The following LZTR1 variants were observed in gnomAD, a reference collection of about 807,000 sequenced individuals.
LZTR1 encodes the protein leucine zipper like post translational regulator 1, also known as leucine-zipper-like transcriptional regulator 1.
Under a neutral mutation model 105.7 loss-of-function variants are expected in LZTR1, and 260 were observed. The ratio of observed to expected loss-of-function variants is 2.46; its 90% CI spans 2.22 to 2.72. The LOEUF (loss-of-function observed/expected upper bound fraction) is 2.72. Among genes scored for constraint, LZTR1 ranks in the 30% most tolerant of loss-of-function variants. The probability of loss-of-function intolerance (pLI) is 0.00; values close to 1 mark genes in which losing one functional copy is unlikely to be tolerated. For missense variants in LZTR1, 1,214 were observed against 1,166.9 expected (o/e 1.04, Z -0.59); for synonymous variants, 490 against 476.4 (o/e 1.03, Z -0.37).
chr22:20,994,324 G>C (rs1924731449), intron 14 of LZTR1, 55 bp downstream of exon 14: 1 of 1,559,094 alleles, frequency 6.4e-7, no homozygotes, highest in African/African-American at 1.4e-5. Flanking sequence ...GCGGGCAGCA[G>C]AGCCAAAAGG....
intron 8 of LZTR1, chr22:20,990,751 A>C (rs1012774619): frequency 1.9e-6 from 1 of 524,668 alleles, no homozygotes; most frequent in Admixed American, 3.6e-5. Flanking sequence ...GCCCCTGGCT[A>C]GGCCTCCCTC....
Position 20,996,967 on chromosome 22 carries a change from G to T in LZTR1, c.2406+1G>T, listed in dbSNP as rs770322736. 1.9e-6 allele frequency: 3 copies of T among 1,613,650 alleles called. No homozygotes were observed. Among genetic ancestry groups the T allele is most frequent in the Non-Finnish European group, 2.5e-6 (3 of 1,179,972 alleles). On this transcript the variant is annotated splice_donor_variant, in intron 20 of 20. Transcript: ENST00000646124. LOFTEE classifies it high-confidence loss of function. ...CATCATTGTGCACCAGTTCACCAAG[G>T]TCAGGGCTCTGGCCTCCCCTTCAGG... is the stretch of plus-strand genomic sequence containing the variant.
Position 20,988,221 on chromosome 22 carries a change from G to C in LZTR1, c.509+103G>C, listed in dbSNP as rs991410471. 8.5e-6 allele frequency: 6 copies of C among 702,988 alleles called. No individual in the cohort carries two copies. In the African/African-American group the frequency reaches 9.0e-5, roughly 11 times the overall value. 43.5% of individuals were successfully genotyped at this position (702,988 alleles called of 1,614,324 possible). ...TCCCAGATGAGGACCCTGAGGGCACGCAATAGCAGGGAGCTTGGGATTGGT... is the reference window on the plus strand; with the variant it reads ...TCCCAGATGAGGACCCTGAGGGCACCCAATAGCAGGGAGCTTGGGATTGGT... On this transcript the variant is annotated intron_variant, in intron 5 of 20. Transcript: ENST00000646124.
At chr22:20,988,334 G>A (rs2147962272) in intron 5 of LZTR1, among the ~76,000 whole-genome samples, 1 of 152,320 alleles carries the variant, frequency 6.6e-6, no homozygotes, top group East Asian at 1.9e-4. Flanking sequence ...ACCAGGCGTG[G>A]TGGCGCATGC....
intron 10 of LZTR1, 35 bp from the exon 11 acceptor site, chr22:20,992,759 C>A (rs73879466): frequency 2.2e-6 from 3 of 1,348,044 alleles, no homozygotes; most frequent in East Asian, 2.5e-5. Context: ...AGGCTCTGCT[C>A]CCCCACCATT....
intron 1 of LZTR1, 72 bp downstream of exon 1, chr22:20,982,643 C>A (rs982663078): frequency 1.4e-6 from 2 of 1,468,570 alleles, no homozygotes; most frequent in Non-Finnish European, 1.9e-6. Context: ...GGTCCAGGGG[C>A]GAAGCCGGGG....
At position 20,992,215 on chromosome 22, in the gene LZTR1, T is replaced by C. The variant is rs1201984751; in HGVS notation, c.995T>C (p.Val332Ala). ...EVVQPSSDSE[V>A]GGAEVPERAC... ...TGCCCATGTGTCTCCCCTCTTCAGG[T>C]TGGTGGGGCTGAAGTGCCCGAGCGA... Residue 332 changes from valine to alanine, a missense_variant and splice_region_variant, in exon 10 of 21, where the codon GTT becomes GCT. Physicochemically the swap from Val to Ala is moderately conservative, Grantham distance 64. Coordinates refer to ENST00000646124, the MANE Select transcript of LZTR1 (RefSeq NM_006767.4). 4 of 1,612,930 alleles carry C rather than the reference T, an allele frequency of 2.5e-6. No individual in the cohort carries two copies. In the East Asian group the frequency reaches 6.7e-5, roughly 27 times the overall value.
intron 4 of LZTR1, 41 bp from the exon 5 acceptor site, chr22:20,987,969 C>A: frequency 8.3e-7 from 1 of 1,211,234 alleles, no homozygotes; most frequent in Non-Finnish European, 1.2e-6. Context: ...ATCTCCAAGA[C>A]TGCCCTTTGG....
rs1387587717 is a variant in LZTR1, at chr22:20,982,535, G to A, written c.164G>A (p.Arg55Gln). 6.2e-7 allele frequency: 1 copy of A among 1,612,888 alleles called. No homozygotes were observed. Among genetic ancestry groups the A allele is most frequent in the Non-Finnish European group, 8.5e-7 (1 of 1,179,740 alleles). Residue 55 changes from arginine (R) to glutamine (Q), a missense_variant, in exon 1 of 21, where the codon CGG becomes CAG. Arg to Gln is a conservative substitution (Grantham distance 43, BLOSUM62 1). Transcript: ENST00000646124. ...FGPFETVHRW[R>Q]RLPPCDEFVG... is the part of the protein sequence containing the mutation. ...CCCTTCGAAACAGTGCATCGCTGGC[G>A]GCGCCTCCCGCCCTGCGACGAGTTC...
rs1358738000 is a variant in LZTR1, at chr22:20,990,507, T to C, written c.773T>C (p.Phe258Ser). 3 of 1,612,834 alleles carry C rather than the reference T, an allele frequency of 1.9e-6. No homozygotes were observed. The highest frequency in any genetic ancestry group is 2.2e-5 in the East Asian group (1 of 44,876). The change falls in exon 8 of 21, where the codon TTT becomes TCT. Residue 258 changes from phenylalanine to serine, a missense_variant. Transcript: ENST00000646124. ...AAAATAACCAACAACCTCTTCCAGT[T>C]TGAATTCAAGGACAAGACGTGAGTA... Reference protein sequence around the residue: ...GAKITNNLFQFEFKDKTWTRI... With the variant: ...GAKITNNLFQSEFKDKTWTRI...
chr22:20,995,978 G>A lies in LZTR1; in HGVS notation c.2085G>A (p.Met695Ile). ...LAARSSYFEAMFRSFMPEDGQ... is the reference protein window; with the variant it reads ...LAARSSYFEAIFRSFMPEDGQ... The stretch of plus-strand genomic sequence containing the variant: ...TTGTCTGCAGCTACTTTGAAGCCAT[G>A]TTCCGGTCCTTCATGCCCGAAGATG... The change falls in exon 18 of 21, where the codon ATG (methionine) becomes ATA (isoleucine). Residue 695 changes from methionine to isoleucine, a missense_variant. Physicochemically the swap from Met to Ile is conservative, Grantham distance 10. Coordinates refer to ENST00000646124, the MANE Select transcript of LZTR1 (RefSeq NM_006767.4). The A allele has an allele frequency of 1.2e-6, 2 of 1,613,768 alleles. No individual in the cohort carries two copies. Among genetic ancestry groups the A allele is most frequent in the Non-Finnish European group, 1.7e-6 (2 of 1,180,028 alleles).
rs748385155 is a variant in LZTR1 at position 20,995,459 on chromosome 22, G to A, written c.1943-287G>A. Reference sequence around the variant, plus strand: ...CTGCAGGCACCAGAGGCCATGCAGTGGGCCTGGAGGGGGCTTGATCATGAG... The same window carrying A: ...CTGCAGGCACCAGAGGCCATGCAGTAGGCCTGGAGGGGGCTTGATCATGAG... On this transcript the variant is annotated intron_variant, in intron 16 of 20. Transcript: ENST00000646124. The A allele has an allele frequency of 7.7e-5, 50 of 649,470 alleles. No homozygotes were observed. The African/African-American group carries it at 7.9e-4, about 10-fold the overall frequency. 40.2% of individuals were successfully genotyped at this position (649,470 alleles called of 1,614,324 possible).
Position 20,988,225 on chromosome 22 carries a change from T to A in LZTR1, c.509+107T>A, listed in dbSNP as rs1344939735. ...AGATGAGGACCCTGAGGGCACGCAATAGCAGGGAGCTTGGGATTGGTGGAA... is the reference window on the plus strand; with the variant it reads ...AGATGAGGACCCTGAGGGCACGCAAAAGCAGGGAGCTTGGGATTGGTGGAA... On this transcript the variant is annotated intron_variant, in intron 5 of 20. Coordinates refer to ENST00000646124, the MANE Select transcript of LZTR1 (RefSeq NM_006767.4). 8.7e-6 allele frequency: 6 copies of A among 692,108 alleles called. No individual in the cohort carries two copies. The East Asian group carries it at 1.6e-4, about 18-fold the overall frequency. 42.9% of individuals were successfully genotyped at this position (692,108 alleles called of 1,614,324 possible).
chr22:20,985,140 A>G (rs1478978574), intron 2 of LZTR1, among the ~76,000 whole-genome samples: 3 of 145,258 alleles, frequency 2.1e-5, no homozygotes, highest in African/African-American at 7.8e-5. Flanking sequence ...GGCTCACTGC[A>G]ACCTCTGCCT....
chr22:20,996,475 G>C lies in LZTR1; in HGVS notation c.2220-221G>C, dbSNP rs1924849929. The stretch of plus-strand genomic sequence containing the variant: ...TGCCTGTTAGGCCTGCAAGGCCATG[G>C]AACAGCGCTACAGATGTACAGACAC... On this transcript the variant is annotated intron_variant, in intron 18 of 20. Coordinates refer to ENST00000646124, the MANE Select transcript of LZTR1 (RefSeq NM_006767.4). 5 of 598,814 alleles carry C rather than the reference G, an allele frequency of 8.3e-6. No homozygotes were observed. In the East Asian group the frequency reaches 1.4e-4, roughly 17 times the overall value. 37.1% of individuals were successfully genotyped at this position (598,814 alleles called of 1,614,324 possible).
chr22:20,988,879 G>T lies in LZTR1; in HGVS notation c.593+7G>T. The T allele has an allele frequency of 6.2e-7, 1 of 1,613,234 alleles. No individual in the cohort carries two copies. The highest frequency in any genetic ancestry group is 1.1e-5 in the South Asian group (1 of 91,072). ...GCTATGACGGCAACGCCAGGTGGGT[G>T]GTGGTCCGGCCTGTGCACCCCACCT... On this transcript the variant is annotated splice_region_variant and intron_variant, in intron 6 of 20. Transcript: ENST00000646124.
rs1188943579 is a variant in LZTR1, at chr22:20,996,018, T to TC, written c.2127dup (p.Ile710HisfsTer72). 6.2e-7 allele frequency: 1 copy of TC among 1,613,494 alleles called. No homozygotes were observed. The highest frequency in any genetic ancestry group is 1.1e-5 in the South Asian group (1 of 91,084). On this transcript the variant is annotated frameshift_variant, in exon 18 of 21. Transcript: ENST00000646124. LOFTEE classifies it high-confidence loss of function. Reference sequence around the variant, plus strand: ...GCCCGAAGATGGGCAGGTGAACATCTCCATCGGGGAGATGGTGCCCAGCAG... The same window carrying TC: ...GCCCGAAGATGGGCAGGTGAACATCTCCCATCGGGGAGATGGTGCCCAGCAG...
intron 16 of LZTR1, 96 bp downstream of exon 16, chr22:20,995,122 CGGGGTG>C (rs1169428057): frequency 7.1e-7 from 1 of 1,412,514 alleles, no homozygotes. Flanking sequence ...GCCAGGCCCT[CGGGGTG>C]GGGGTGGGTG....
Position 20,996,031 on chromosome 22 carries a change from T to C in LZTR1, c.2138T>C (p.Met713Thr), listed in dbSNP as rs371920401. The change falls in exon 18 of 21, where the codon ATG (methionine) becomes ACG (threonine). Residue 713 changes from methionine (M) to threonine (T), a missense_variant. Met to Thr is a moderately conservative substitution (Grantham distance 81). Transcript: ENST00000646124. ...CAGGTGAACATCTCCATCGGGGAGATGGTGCCCAGCAGGCAGGCCTTCGAG... is the reference window on the plus strand; with the variant it reads ...CAGGTGAACATCTCCATCGGGGAGACGGTGCCCAGCAGGCAGGCCTTCGAG... ...DGQVNISIGE[M>T]VPSRQAFESM... 3.7e-6 allele frequency: 6 copies of C among 1,613,556 alleles called. No individual in the cohort carries two copies. The highest frequency in any genetic ancestry group is 1.6e-4 in the Middle Eastern group (1 of 6,084).
Sources: allele counts gnomAD v4.1 joint callset (sites outside exome capture counted in the v4.1 genomes callset), GRCh38; gene constraint gnomAD v4.1.1; transcripts MANE v1.5; gene names NCBI Gene and HGNC (gene_info 2026-07-23, HGNC 2026-07-21).